The following MGAT4C variants were observed in gnomAD, a reference collection of about 807,000 sequenced individuals.
MGAT4C encodes the protein alpha-1,3-mannosyl-glycoprotein 4-beta-N-acetylglucosaminyltransferase C.
In MGAT4C, 19 loss-of-function variants were observed where a neutral mutation model predicts 40.1. That is an observed-to-expected ratio of 0.47 (90% confidence interval 0.33 to 0.70). The LOEUF is 0.70. Ranked by LOEUF, MGAT4C falls within the 30% of genes least tolerant of loss-of-function variation. MGAT4C has a pLI of 0.02. For missense variants in MGAT4C, 491 were observed against 563.2 expected (o/e 0.87, Z 1.30); for synonymous variants, 181 against 187.1 (o/e 0.97, Z 0.27).
At chr12:86,596,848 T>A (rs1183976691) in intron 2 of MGAT4C, among the ~76,000 whole-genome samples, 2 of 152,306 alleles carry the variant, frequency 1.3e-5, no homozygotes, top group East Asian at 1.9e-4. Context: ...CTAAGCCCTC[T>A]ACTGAACTGA....
chr12:86,485,067 A>C (rs186254383), intron 2 of MGAT4C, among the ~76,000 whole-genome samples: 1 of 152,300 alleles, frequency 6.6e-6, no homozygotes, highest in East Asian at 1.9e-4. Flanking sequence ...TCCTGTATAA[A>C]GGCTTTTCCT....
At chr12:86,191,097 A>G (rs1018877449) in intron 1 of MGAT4C, among the ~76,000 whole-genome samples, 35 of 123,394 alleles carry the variant, frequency 2.8e-4, no homozygotes, top group African/African-American at 1.6e-3. Context: ...ACACACACAC[A>G]CACACACACA....
chr12:86,282,345 T>C (rs907359641), intron 4 of MGAT4C, among the ~76,000 whole-genome samples: 9 of 152,262 alleles, frequency 5.9e-5, no homozygotes, highest in Admixed American at 2.0e-4. Context: ...TACAATATTC[T>C]ATCTGTTGTT....
At chr12:86,544,728 A>C (rs576967651) in intron 2 of MGAT4C, among the ~76,000 whole-genome samples, 1 of 152,224 alleles carries the variant, frequency 6.6e-6, no homozygotes, top group East Asian at 1.9e-4. Context: ...GCTTGCTATA[A>C]ATAAGAAAGA....
intron 1 of MGAT4C, among the ~76,000 whole-genome samples, chr12:86,184,872 TA>T (rs1276148139): frequency 6.6e-6 from 1 of 151,968 alleles, no homozygotes; most frequent in Non-Finnish European, 1.5e-5. Context: ...AGCTGAACTT[TA>T]AAATGGGCCA....
chr12:86,359,312 G>C (rs112275902), intron 3 of MGAT4C, among the ~76,000 whole-genome samples: 1 of 151,964 alleles, frequency 6.6e-6, no homozygotes, highest in African/African-American at 2.4e-5. Context: ...AGAATCTCTG[G>C]GACACATTTA....
At position 86,423,525 on chromosome 12, in the gene MGAT4C, G is replaced by A. The variant is rs1313816083; in HGVS notation, c.-120+11632C>T. 2.6e-5 allele frequency among the ~76,000 whole-genome samples: 4 copies of A among 152,166 alleles called. No homozygotes were observed. The East Asian group carries it at 5.8e-4, about 22-fold the overall frequency. Reference sequence around the variant, plus strand: ...ATATAATTTCTTCTATTGAGTGTTTGTGTGCAAATGTATGCATGTATAGCA... The same window carrying A: ...ATATAATTTCTTCTATTGAGTGTTTATGTGCAAATGTATGCATGTATAGCA... On this transcript the variant is annotated intron_variant, in intron 3 of 7. Transcript: ENST00000548651.
At chr12:86,567,592 G>C (rs2136417655) in intron 2 of MGAT4C, among the ~76,000 whole-genome samples, 1 of 152,252 alleles carries the variant, frequency 6.6e-6, no homozygotes, top group South Asian at 2.1e-4. Context: ...GCCCACTCCA[G>C]GCAGGACTAC....
intron 3 of MGAT4C, among the ~76,000 whole-genome samples, chr12:86,358,735 A>C (rs1003240360): frequency 3.2e-4 from 49 of 152,344 alleles, no homozygotes; most frequent in African/African-American, 1.2e-3. Context: ...AAAGAAGGCC[A>C]TTGCATAATG....
chr12:86,170,440 A>G lies in MGAT4C; in HGVS notation c.-57+85799T>C, dbSNP rs78179699. On this transcript the variant is annotated intron_variant, in intron 1 of 4. Transcript: ENST00000611864. ...GTTTTGATGTCATTAACACATTGTTAATGTTAATTCTTTTAGCGACTATTT... is the reference window on the plus strand; with the variant it reads ...GTTTTGATGTCATTAACACATTGTTGATGTTAATTCTTTTAGCGACTATTT... Among the ~76,000 whole-genome samples the G allele has an allele frequency of 6.7e-3, 1,020 of 152,280 alleles. 13 individuals are homozygous for G. The highest frequency in any genetic ancestry group is 0.023 in the African/African-American group (975 of 41,558).
At chr12:86,783,886 C>T (rs1951887076) in intron 1 of MGAT4C, among the ~76,000 whole-genome samples, 1 of 152,090 alleles carries the variant, frequency 6.6e-6, no homozygotes, top group South Asian at 2.1e-4. Context: ...GGACTGCTTA[C>T]TATGGGTGGA....
intron 2 of MGAT4C, among the ~76,000 whole-genome samples, chr12:86,516,089 C>G (rs1958682657): frequency 2.0e-5 from 3 of 151,354 alleles, no homozygotes; most frequent in African/African-American, 7.3e-5. Flanking sequence ...ATTTTTTTTT[C>G]CCAGAAACTG....
At chr12:86,049,292 C>G (rs899472470) in intron 2 of MGAT4C, among the ~76,000 whole-genome samples, 19 of 151,724 alleles carry the variant, frequency 1.3e-4, no homozygotes, top group African/African-American at 4.3e-4. Context: ...ACCATCCTCT[C>G]TGTGTGTGCG....
intron 4 of MGAT4C, among the ~76,000 whole-genome samples, chr12:86,285,547 G>C (rs1474857554): frequency 1.3e-5 from 2 of 151,938 alleles, no homozygotes; most frequent in Non-Finnish European, 1.5e-5. Context: ...TTTGACAAAA[G>C]TTAGAAAACA....
At chr12:86,804,260 C>G (rs1265462497) in intron 1 of MGAT4C, among the ~76,000 whole-genome samples, 2 of 114,414 alleles carry the variant, frequency 1.7e-5, no homozygotes, top group African/African-American at 3.4e-5. Flanking sequence ...ACTCTGGGGA[C>G]TGTAGTGGGG....
At chr12:86,764,957 G>A (rs534282117) in intron 1 of MGAT4C, among the ~76,000 whole-genome samples, 39 of 152,264 alleles carry the variant, frequency 2.6e-4, no homozygotes, top group East Asian at 9.7e-4. Flanking sequence ...AAAGCAGAGC[G>A]CCTCTCCTAC....
At chr12:86,301,377 G>A (rs956463916) in intron 4 of MGAT4C, among the ~76,000 whole-genome samples, 2 of 152,086 alleles carry the variant, frequency 1.3e-5, no homozygotes, top group African/African-American at 4.8e-5. Context: ...TTACCAATTT[G>A]CTTGGAAAAT....
chr12:86,290,629 T>C (rs1953485701), intron 4 of MGAT4C, among the ~76,000 whole-genome samples: 1 of 151,970 alleles, frequency 6.6e-6, no homozygotes, highest in South Asian at 2.1e-4. Context: ...GACAAAATCA[T>C]TTGTGCATCA....
chr12:86,829,652 C>T (rs1952879761), intron 1 of MGAT4C, among the ~76,000 whole-genome samples: 1 of 151,232 alleles, frequency 6.6e-6, no homozygotes, highest in African/African-American at 2.4e-5. Context: ...CTAAGAACTG[C>T]AATAATGGTT....
Sources: allele counts gnomAD v4.1 joint callset (sites outside exome capture counted in the v4.1 genomes callset), GRCh38; gene constraint gnomAD v4.1.1; transcripts MANE v1.5; gene names NCBI Gene and HGNC (gene_info 2026-07-23, HGNC 2026-07-21).